RYK: variants seen among roughly 807,000 people sequenced by gnomAD.
RYK encodes the protein receptor like tyrosine kinase, also known as inactive tyrosine-protein kinase RYK.
In RYK, 21 loss-of-function variants were observed where a neutral mutation model predicts 70.2. That is an observed-to-expected ratio of 0.30 (90% CI 0.21 to 0.43). The LOEUF is 0.43. Ranked by LOEUF, RYK falls within the 20% of genes least tolerant of loss-of-function variation. RYK has a pLI of 1.00. For synonymous variants in RYK, 267 were observed against 278.0 expected, an observed-to-expected ratio of 0.96 and a Z score of 0.39; for missense variants, 604 against 753.3, an observed-to-expected ratio of 0.80 and a Z score of 2.32.
chr3:134,191,705 T>C (rs2013645533), intron 8 of RYK, 144 bp downstream of exon 8: 8 of 625,160 alleles, frequency 1.3e-5, no homozygotes, highest in African/African-American at 7.7e-5. Flanking sequence ...ATGAAAATAA[T>C]TTTTATAAAA....
Position 134,205,925 on chromosome 3 carries a change from G to A in RYK, c.643+1547C>T, listed in dbSNP as rs868318431. Among the ~76,000 whole-genome samples the A allele has an allele frequency of 6.6e-5, 10 of 152,254 alleles. No homozygotes were observed. The South Asian group carries it at 8.3e-4, about 13-fold the overall frequency. ...ACCACAGACTCTCCATAGGTACTGG[G>A]TGGATGAATAAATAGAAAGGGCGGG... On this transcript the variant is annotated intron_variant, in intron 5 of 14. Transcript: ENST00000623711.
At chr3:134,203,785 T>C (rs2014105669) in intron 5 of RYK, among the ~76,000 whole-genome samples, 1 of 152,236 alleles carries the variant, frequency 6.6e-6, no homozygotes, top group Non-Finnish European at 1.5e-5. Context: ...ACGAAAATGT[T>C]CTCTAGAGTA....
chr3:134,241,871 C>T (rs956526268), intron 1 of RYK, among the ~76,000 whole-genome samples: 1 of 152,188 alleles, frequency 6.6e-6, no homozygotes, highest in Non-Finnish European at 1.5e-5. Context: ...CCACCGACTT[C>T]CTATGGTTGA....
chr3:134,195,356 T>C (rs1354056124), intron 6 of RYK, 174 bp from the exon 7 acceptor site: 3 of 506,406 alleles, frequency 5.9e-6, no homozygotes, highest in African/African-American at 4.0e-5. Flanking sequence ...TATAGAGCTC[T>C]ATTTTTTCTT....
At chr3:134,239,201 T>C (rs543194319) in intron 1 of RYK, among the ~76,000 whole-genome samples, 297 of 152,290 alleles carry the variant, frequency 2.0e-3, no homozygotes, top group African/African-American at 6.8e-3. Flanking sequence ...GGCTCACACC[T>C]GTAAACCCAG....
chr3:134,205,305 C>A (rs1013187757), intron 5 of RYK, among the ~76,000 whole-genome samples: 3 of 152,112 alleles, frequency 2.0e-5, no homozygotes, highest in Non-Finnish European at 4.4e-5. Flanking sequence ...TTCAAAAACA[C>A]ATGGAAATAA....
chr3:134,174,195 C>T (rs925289870), intron 13 of RYK, among the ~76,000 whole-genome samples: 1 of 152,128 alleles, frequency 6.6e-6, no homozygotes, highest in Non-Finnish European at 1.5e-5. Flanking sequence ...ACTGCTTCTC[C>T]ACTAGAGCCT....
chr3:134,182,732 T>C (rs2013340864), intron 10 of RYK, among the ~76,000 whole-genome samples: 6 of 152,236 alleles, frequency 3.9e-5, no homozygotes, highest in Admixed American at 3.3e-4. Flanking sequence ...TGCACATAAA[T>C]ATGTATAAAT....
chr3:134,220,350 G>T (rs1236406718), intron 2 of RYK, among the ~76,000 whole-genome samples: 1 of 152,036 alleles, frequency 6.6e-6, no homozygotes. Context: ...CAAATTTTCT[G>T]GTTTTGATCA....
intron 1 of RYK, among the ~76,000 whole-genome samples, chr3:134,235,803 G>A (rs2015185267): frequency 6.6e-6 from 1 of 152,132 alleles, no homozygotes; most frequent in Admixed American, 6.5e-5. Flanking sequence ...GAGGCAGTGA[G>A]GGAAACAATC....
At chr3:134,181,562 T>C (rs1025737588) in intron 10 of RYK, 1 of 152,220 alleles carries the variant, frequency 6.6e-6, no homozygotes, top group Non-Finnish European at 1.5e-5. Context: ...AATTTAAAAG[T>C]AAGGCTCTGG....
chr3:134,236,466 TG>T (rs1400609789), intron 1 of RYK, among the ~76,000 whole-genome samples: 1 of 152,194 alleles, frequency 6.6e-6, no homozygotes, highest in Admixed American at 6.5e-5. Flanking sequence ...GTTCATGGAC[TG>T]GAAGACTTAA....
rs933322421 is a variant in RYK, at chr3:134,194,329, G to A, written c.889+753C>T. On this transcript the variant is annotated intron_variant, in intron 7 of 14. Transcript: ENST00000623711. ...ATTTGTGGATTTTTACACATTTTAC[G>A]TTTTAATTCATTATAGTCATTATTC... 7.9e-5 allele frequency among the ~76,000 whole-genome samples: 12 copies of A among 152,184 alleles called. No homozygotes were observed. In the South Asian group the frequency reaches 8.3e-4, roughly 11 times the overall value.
chr3:134,158,640 C>T (rs1445365065), intron 14 of RYK, among the ~76,000 whole-genome samples: 1 of 152,144 alleles, frequency 6.6e-6, no homozygotes, highest in Non-Finnish European at 1.5e-5. Flanking sequence ...AAAATCAGTA[C>T]AAAAGCTGCC....
At chr3:134,206,911 AG>A (rs1472492024) in intron 5 of RYK, among the ~76,000 whole-genome samples, 1 of 152,156 alleles carries the variant, frequency 6.6e-6, no homozygotes, top group Non-Finnish European at 1.5e-5. Context: ...AAGAGAATCT[AG>A]TATCCTTTTA....
At chr3:134,205,522 A>AT (rs1279012725) in intron 5 of RYK, among the ~76,000 whole-genome samples, 7 of 152,246 alleles carry the variant, frequency 4.6e-5, no homozygotes, top group Middle Eastern at 3.4e-3. Context: ...TTCTGGAGGC[A>AT]TATGTTAGCA....
At chr3:134,176,554 C>T (rs752171040) in intron 11 of RYK, among the ~76,000 whole-genome samples, 1 of 151,744 alleles carries the variant, frequency 6.6e-6, no homozygotes, top group Non-Finnish European at 1.5e-5. Context: ...ACCTGGACAA[C>T]ATACTGAGGC....
chr3:134,186,382 C>T (rs886581453), intron 9 of RYK, among the ~76,000 whole-genome samples: 7 of 152,150 alleles, frequency 4.6e-5, no homozygotes, highest in Admixed American at 3.9e-4. Context: ...TTATTTTATG[C>T]TAAACTTCTA....
intron 2 of RYK, among the ~76,000 whole-genome samples, chr3:134,212,773 C>T (rs553310488): frequency 7.2e-5 from 11 of 152,116 alleles, no homozygotes; most frequent in East Asian, 3.9e-4. Context: ...ATGGCCCTTA[C>T]GCTTGGGCTA....
Sources: allele counts gnomAD v4.1 joint callset (sites outside exome capture counted in the v4.1 genomes callset), GRCh38; gene constraint gnomAD v4.1.1; transcripts MANE v1.5; gene names NCBI Gene and HGNC (gene_info 2026-07-23, HGNC 2026-07-21).